The following CADM2 variants were observed in gnomAD, a reference collection of about 807,000 sequenced individuals.
CADM2 encodes cell adhesion molecule 2, also known as immunoglobulin superfamily member 4D.
Under a neutral mutation model 49.8 loss-of-function variants are expected in CADM2, and 12 were observed. The observed-to-expected ratio is 0.24, with a 90% confidence interval of 0.15 to 0.39. CADM2 has a LOEUF of 0.39. Ranked by LOEUF, CADM2 falls within the 10% of genes least tolerant of loss-of-function variation. The pLI is 1.00. For synonymous variants in CADM2, 214 were observed against 175.4 expected (o/e 1.22, Z -1.74); for missense variants, 378 against 492.3 (o/e 0.77, Z 2.20).
intron 8 of CADM2, among the ~76,000 whole-genome samples, chr3:86,028,598 T>C (rs1332052244): frequency 6.6e-6 from 1 of 152,220 alleles, no homozygotes; most frequent in East Asian, 1.9e-4. Context: ...CAGTGGATTT[T>C]ACAACCTGTA....
chr3:86,020,604 A>C (rs371274842), intron 8 of CADM2, among the ~76,000 whole-genome samples: 16 of 151,608 alleles, frequency 1.1e-4, no homozygotes, highest in Admixed American at 2.0e-4. Flanking sequence ...TACTGGCAAA[A>C]CGAATCCAGC....
At chr3:85,591,301 T>C (rs2063100879) in intron 1 of CADM2, among the ~76,000 whole-genome samples, 1 of 152,018 alleles carries the variant, frequency 6.6e-6, no homozygotes. Context: ...TCTTAGAGTA[T>C]GTACTTTTGG....
chr3:85,649,932 A>G (rs1180886956), intron 1 of CADM2, among the ~76,000 whole-genome samples: 1 of 152,188 alleles, frequency 6.6e-6, no homozygotes, highest in African/African-American at 2.4e-5. Flanking sequence ...AAGTGAGGAT[A>G]ATAAAAGCAA....
chr3:85,062,125 A>G (rs1306105456), intron 1 of CADM2, among the ~76,000 whole-genome samples: 1 of 150,738 alleles, frequency 6.6e-6, no homozygotes, highest in African/African-American at 2.4e-5. Flanking sequence ...CGGAAACTCT[A>G]TATCCAAACT....
intron 1 of CADM2, among the ~76,000 whole-genome samples, chr3:84,976,665 A>G (rs1245919452): frequency 1.3e-5 from 2 of 151,838 alleles, no homozygotes; most frequent in Non-Finnish European, 2.9e-5. Flanking sequence ...GAAATGCTCT[A>G]TACATTTTTA....
chr3:85,895,555 G>A (rs1383549338), intron 5 of CADM2, among the ~76,000 whole-genome samples: 5 of 152,130 alleles, frequency 3.3e-5, no homozygotes, highest in Non-Finnish European at 5.9e-5. Flanking sequence ...AAGACTTCAG[G>A]GGACTGTTGG....
chr3:85,181,271 A>G (rs2040927417), intron 1 of CADM2, among the ~76,000 whole-genome samples: 1 of 152,154 alleles, frequency 6.6e-6, no homozygotes, highest in South Asian at 2.1e-4. Context: ...TTTAAAAATT[A>G]TCCTTAGAAA....
At chr3:85,589,989 A>G (rs558076929) in intron 1 of CADM2, among the ~76,000 whole-genome samples, 61 of 152,166 alleles carry the variant, frequency 4.0e-4, no homozygotes, top group African/African-American at 1.4e-3. Flanking sequence ...AGAAACAGAT[A>G]TACAGTATAT....
intron 1 of CADM2, among the ~76,000 whole-genome samples, chr3:85,380,285 T>A (rs1179509330): frequency 6.6e-6 from 1 of 152,004 alleles, no homozygotes; most frequent in Non-Finnish European, 1.5e-5. Flanking sequence ...TAATATGGCA[T>A]ACTAAAGGTA....
intron 1 of CADM2, among the ~76,000 whole-genome samples, chr3:85,612,742 A>G (rs1415704308): frequency 6.6e-6 from 1 of 151,828 alleles, no homozygotes; most frequent in Non-Finnish European, 1.5e-5. Flanking sequence ...CATGAGGGAC[A>G]TTTATTATAG....
intron 7 of CADM2, among the ~76,000 whole-genome samples, chr3:85,945,204 T>C (rs1722504809): frequency 6.6e-6 from 1 of 151,970 alleles, no homozygotes. Context: ...CCTCGACACA[T>C]ACACCCTCCC....
intron 1 of CADM2, among the ~76,000 whole-genome samples, chr3:85,455,817 G>A (rs2037965026): frequency 6.6e-6 from 1 of 152,120 alleles, no homozygotes; most frequent in Non-Finnish European, 1.5e-5. Context: ...GCTTCGGCAT[G>A]GGCATGAGAA....
At chr3:85,133,787 A>C (rs1410184432) in intron 1 of CADM2, among the ~76,000 whole-genome samples, 2 of 152,376 alleles carry the variant, frequency 1.3e-5, no homozygotes, top group East Asian at 1.9e-4. Context: ...TCAGGAGCCC[A>C]GCTGGCTTCA....
At chr3:85,944,858 A>G (rs1450748427) in intron 7 of CADM2, among the ~76,000 whole-genome samples, 1 of 152,108 alleles carries the variant, frequency 6.6e-6, no homozygotes, top group Admixed American at 6.6e-5. Flanking sequence ...TAATATCACA[A>G]TTAAAAGAAC....
chr3:85,768,817 T>C (rs1395962984), intron 2 of CADM2, among the ~76,000 whole-genome samples: 46 of 73,064 alleles, frequency 6.3e-4, no homozygotes, highest in African/African-American at 3.0e-3. Flanking sequence ...ATATATAGTA[T>C]ATATACACAT....
At chr3:85,300,138 T>C (rs1379589082) in intron 1 of CADM2, among the ~76,000 whole-genome samples, 1 of 152,094 alleles carries the variant, frequency 6.6e-6, no homozygotes, top group African/African-American at 2.4e-5. Flanking sequence ...CCCAAGCATT[T>C]TGAATTTTTA....
At chr3:85,298,401 C>T (rs1272150929) in intron 1 of CADM2, among the ~76,000 whole-genome samples, 1 of 152,092 alleles carries the variant, frequency 6.6e-6, no homozygotes, top group Non-Finnish European at 1.5e-5. Flanking sequence ...TGCAGCAGCA[C>T]TGATGCAGTT....
At chr3:85,628,606 T>TATATACATATATATACATATATACAC in intron 1 of CADM2, among the ~76,000 whole-genome samples, 1 of 138,630 alleles carries the variant, frequency 7.2e-6, no homozygotes, top group South Asian at 2.3e-4. Context: ...TATACACATA[T>TATATACATATATATACATATATACAC]ATACATTTAT....
chr3:84,980,468 T>C (rs902085047), intron 1 of CADM2, among the ~76,000 whole-genome samples: 4 of 152,150 alleles, frequency 2.6e-5, no homozygotes, highest in Non-Finnish European at 2.9e-5. Flanking sequence ...TTTAGTCACA[T>C]TTTGGAAACC....
Sources: allele counts gnomAD v4.1 joint callset (sites outside exome capture counted in the v4.1 genomes callset), GRCh38; gene constraint gnomAD v4.1.1; transcripts MANE v1.5; gene names NCBI Gene and HGNC (gene_info 2026-07-23, HGNC 2026-07-21).